The following MADD variants were observed in gnomAD, a reference collection of about 807,000 sequenced individuals.
The protein encoded by MADD is MAP kinase activating death domain.
Under a neutral mutation model 176.7 loss-of-function variants are expected in MADD, and 109 were observed. The observed-to-expected ratio is 0.62, with a 90% CI of 0.53 to 0.72. The LOEUF is 0.72. Ranked by LOEUF, MADD falls within the 30% of genes least tolerant of loss-of-function variation. The probability of loss-of-function intolerance (pLI) is 0.00; values close to 1 mark genes in which losing one functional copy is unlikely to be tolerated. For missense variants in MADD, 1,914 were observed against 2,045.5 expected (o/e 0.94, Z 1.24); for synonymous variants, 771 against 771.3 (o/e 1.00, Z 0.01).
chr11:47,278,205 C>T (rs2052438405), exon 6 of MADD: 3 of 1,614,092 alleles, frequency 1.9e-6, no homozygotes, highest in Non-Finnish European at 2.5e-6. Context: ...GGGGTTCCTG[C>T]CAGCTTCTTC....
intron 25 of MADD, 73 bp from the exon 29 acceptor site, chr11:47,311,659 T>C: frequency 1.1e-6 from 1 of 933,288 alleles, no homozygotes; most frequent in Non-Finnish European, 1.8e-6. Context: ...AGCCCACTTG[T>C]ACATTCTCTT....
intron 5 of MADD, among the ~76,000 whole-genome samples, chr11:47,277,176 C>T (rs1270795475): frequency 2.0e-5 from 3 of 152,220 alleles, no homozygotes; most frequent in Non-Finnish European, 4.4e-5. Context: ...ATGCCTCAAA[C>T]CACAGATAGT....
chr11:47,295,073 T>C (rs1159704114), intron 20 of MADD, among the ~76,000 whole-genome samples: 1 of 151,846 alleles, frequency 6.6e-6, no homozygotes, highest in Non-Finnish European at 1.5e-5. Flanking sequence ...AGCAGTGGTG[T>C]GCTCTCTGCT....
chr11:47,276,238 A>G (rs1368039615), intron 4 of MADD, 36 bp downstream of exon 4: 1 of 1,550,562 alleles, frequency 6.4e-7, no homozygotes, highest in Admixed American at 1.9e-5. Context: ...TCTAGGGGAG[A>G]AACTCTTAAA....
At chr11:47,293,608 G>A (rs1174816132) in intron 19 of MADD, among the ~76,000 whole-genome samples, 1 of 152,050 alleles carries the variant, frequency 6.6e-6, no homozygotes, top group Non-Finnish European at 1.5e-5. Flanking sequence ...CAGCCTTGTG[G>A]AGCTTCTCTG....
chr11:47,323,950 CAGCTGTTGGGTGGAGTACCTAA>C (rs1175627944), intron 28 of MADD, 115 bp downstream of exon 31: 1 of 1,208,824 alleles, frequency 8.3e-7, no homozygotes. Context: ...CTTCTGTCTC[CAGCTGTTGGGTGGAGTACCTAA>C]AGCTGTCTCT....
Position 47,289,475 on chromosome 11 carries a change from G to A in MADD, c.2738G>A (p.Gly913Asp), listed in dbSNP as rs140491853. ...AAAAGAGAACCTCCATCACCCCAGG[G>A]TCGATCCAGCAATTCTAGGTAATAA... Residue 913 changes from glycine (G) to aspartate (D), a missense_variant, in exon 16 of 33, where the codon GGT (glycine) becomes GAT (aspartate). Physicochemically the swap from Gly to Asp is moderately conservative, Grantham distance 94 (BLOSUM62 -1). Around this residue, in one of 2 missense-constraint regions of MADD, gnomAD observed 1,767 missense variants for 1,836.0 expected, o/e 0.96. Coordinates refer to ENST00000402192, the Ensembl canonical transcript of MADD. 5.3e-4 allele frequency: 861 copies of A among 1,614,026 alleles called. 1 individual carries two copies. Among genetic ancestry groups the A allele is most frequent in the Admixed American group, 9.8e-4 (59 of 60,004 alleles).
Position 47,273,858 on chromosome 11 carries a change from C to A in MADD, c.-57C>A. ...ATTTTCAGAATTCCTCCTGGGAATG[C>A]TGACTCCTTGCTTGGTGCCCTGATG... On this transcript the variant is annotated 5_prime_UTR_variant, in exon 2 of 33. It adds an upstream start codon to the 5' untranslated region. Transcript: ENST00000402192. The A allele has an allele frequency of 6.8e-7, 1 of 1,474,862 alleles. No homozygotes were observed. Among genetic ancestry groups the A allele is most frequent in the Non-Finnish European group, 9.5e-7 (1 of 1,053,810 alleles). The allele number at this position is 1,474,862 out of a possible 1,614,324, so 91.4% of individuals were successfully genotyped here.
chr11:47,287,580 T>A (rs2061609472), intron 15 of MADD, among the ~76,000 whole-genome samples: 1 of 151,894 alleles, frequency 6.6e-6, no homozygotes, highest in Non-Finnish European at 1.5e-5. Flanking sequence ...TGGCTAATTG[T>A]TGTATTTTTA....
rs147860853 is a variant in MADD at position 47,296,018 on chromosome 11, G to C, written c.3605G>C (p.Ser1202Thr). The change falls in exon 22 of 33, where the codon AGT becomes ACT. Residue 1202 changes from serine to threonine, a missense_variant. Ser to Thr is a moderately conservative substitution (Grantham distance 58). Transcript: ENST00000402192. ...AGCTCTCGGGGCACTTTGTCTGATA[G>C]TGAAATTGAGACCAACTCTGCCACA... The C allele has an allele frequency of 1.4e-4, 221 of 1,614,056 alleles. No individual in the cohort carries two copies. The highest frequency in any genetic ancestry group is 1.8e-4 in the Non-Finnish European group (213 of 1,180,030).
intron 15 of MADD, among the ~76,000 whole-genome samples, chr11:47,287,192 C>T (rs1030006435): frequency 2.6e-5 from 4 of 152,182 alleles, no homozygotes; most frequent in Admixed American, 6.5e-5. Flanking sequence ...TCTGGTGTCA[C>T]GCACCTGTAA....
intron 31 of MADD, 169 bp downstream of exon 35, chr11:47,326,976 T>A: frequency 7.2e-7 from 1 of 1,390,868 alleles, no homozygotes. Context: ...AGCCGGGATG[T>A]GGAAGGGAAA....
At chr11:47,274,600 T>C (rs774495229) in exon 3 of MADD, 1 of 1,614,026 alleles carries the variant, frequency 6.2e-7, no homozygotes, top group Non-Finnish European at 8.5e-7. Flanking sequence ...GACTCCTGAA[T>C]TGCTACGGCG....
At chr11:47,308,552 G>T (rs747493699) in intron 22 of MADD, 39 bp from the exon 25 acceptor site, 2 of 1,503,186 alleles carry the variant, frequency 1.3e-6, no homozygotes, top group Admixed American at 3.4e-5. Flanking sequence ...TCTATTCATT[G>T]CTACCTCTGG....
chr11:47,328,428 G>A, intron 31 of MADD: 1 of 1,430,016 alleles, frequency 7.0e-7, no homozygotes, highest in East Asian at 2.5e-5. Flanking sequence ...CGCCACTGCG[G>A]ATGACAGAGG....
intron 30 of MADD, chr11:47,324,996 C>A (rs1326559533): frequency 1.8e-6 from 1 of 557,462 alleles, no homozygotes; most frequent in Non-Finnish European, 3.2e-6. Context: ...GTGCGTGCAG[C>A]TTGCGTGTGC....
chr11:47,274,766 C>T (rs747095275), exon 3 of MADD: 13 of 1,614,216 alleles, frequency 8.1e-6, no homozygotes, highest in East Asian at 4.5e-5. Context: ...ACTGGAGTCA[C>T]GCGATATGGC....
intron 19 of MADD, among the ~76,000 whole-genome samples, chr11:47,291,058 A>G (rs1014389563): frequency 5.3e-5 from 8 of 152,112 alleles, no homozygotes; most frequent in Middle Eastern, 3.4e-3. Context: ...AGAGGGCCCA[A>G]TGAGGCTTAC....
At chr11:47,295,864 G>A in intron 21 of MADD, 33 bp from the exon 24 acceptor site, 4 of 1,591,740 alleles carry the variant, frequency 2.5e-6, no homozygotes, top group Non-Finnish European at 3.4e-6. Flanking sequence ...CCATCCCTGG[G>A]GACTGTCTCT....
Sources: allele counts gnomAD v4.1 joint callset (sites outside exome capture counted in the v4.1 genomes callset), GRCh38; gene constraint gnomAD v4.1.1; regional missense constraint gnomAD v4.1.1; transcripts MANE v1.5; gene names NCBI Gene and HGNC (gene_info 2026-07-23, HGNC 2026-07-21).